The following FRMPD1 variants were observed in gnomAD, a reference collection of about 807,000 sequenced individuals.
FRMPD1 encodes FERM and PDZ domain-containing protein 1.
In FRMPD1, 76 loss-of-function variants were observed where a neutral mutation model predicts 117.8. The observed-to-expected ratio is 0.65, with a 90% CI of 0.54 to 0.78. The LOEUF (loss-of-function observed/expected upper bound fraction) is 0.78, where lower values mean the gene tolerates loss of function less well. FRMPD1 is among the 30% of genes least tolerant of loss of function. FRMPD1 has a pLI of 0.00. For synonymous variants in FRMPD1, 783 were observed against 770.4 expected (o/e 1.02, Z -0.27); for missense variants, 1,786 against 1,964.5 (o/e 0.91, Z 1.72).
the FRMPD1 span, among the ~76,000 whole-genome samples, chr9:37,623,903 T>C: frequency 6.6e-6 from 1 of 152,174 alleles, no homozygotes; most frequent in Non-Finnish European, 1.5e-5. Context: ...TTTATGACTG[T>C]GGACATTTTA....
chr9:37,744,744 G>T lies in FRMPD1; in HGVS notation c.2712G>T (p.Leu904=). 1 of 1,613,982 alleles carries T rather than the reference G, an allele frequency of 6.2e-7. No homozygotes were observed. Among genetic ancestry groups the T allele is most frequent in the South Asian group, 1.1e-5 (1 of 91,086 alleles). The part of the protein sequence containing the change: ...PGLLETKALG[L]LAPLRETKST... ...TTCTGGAGACCAAGGCCTTGGGGCTGCTGGCTCCTCTGAGGGAGACCAAGA... is the reference window on the plus strand; with the variant it reads ...TTCTGGAGACCAAGGCCTTGGGGCTTCTGGCTCCTCTGAGGGAGACCAAGA... The change falls in exon 16 of 16, where the codon CTG becomes CTT. Residue 904 remains leucine (L), a synonymous_variant. Transcript: ENST00000377765.
At chr9:37,717,377 ATATATTT>A (rs1469846156) in intron 5 of FRMPD1, among the ~76,000 whole-genome samples, 1 of 93,220 alleles carries the variant, frequency 1.1e-5, no homozygotes, top group Admixed American at 1.0e-4. Flanking sequence ...GTGTATATAT[ATATATTT>A]TTTTTTTTTT....
intron 1 of FRMPD1, among the ~76,000 whole-genome samples, chr9:37,682,933 G>A (rs915977228): frequency 7.9e-5 from 12 of 152,058 alleles, no homozygotes; most frequent in African/African-American, 2.4e-4. Flanking sequence ...TACGATTAGT[G>A]GTTTTTAGAA....
chr9:37,672,805 G>C (rs2117850944), intron 1 of FRMPD1, among the ~76,000 whole-genome samples: 1 of 152,238 alleles, frequency 6.6e-6, no homozygotes, highest in African/African-American at 2.4e-5. Flanking sequence ...AGCAAAAGTG[G>C]AAGCCCCCAA....
intron 1 of FRMPD1, among the ~76,000 whole-genome samples, chr9:37,688,925 A>G (rs1040450203): frequency 6.6e-6 from 1 of 152,080 alleles, no homozygotes; most frequent in African/African-American, 2.4e-5. Flanking sequence ...TTAGAAGAAT[A>G]TATTCCTTCG....
intron 2 of FRMPD1, 21 bp downstream of exon 2, chr9:37,692,763 G>T: frequency 6.4e-7 from 1 of 1,561,728 alleles, no homozygotes. Flanking sequence ...TGAGTTTGCA[G>T]ATTTCTGTCT....
intron 2 of FRMPD1, among the ~76,000 whole-genome samples, chr9:37,704,458 T>C (rs1232261916): frequency 2.0e-5 from 3 of 152,186 alleles, no homozygotes; most frequent in Admixed American, 2.0e-4. Context: ...GTATGCGGTG[T>C]GTATATTTCA....
At chr9:37,636,528 G>A in the FRMPD1 span, among the ~76,000 whole-genome samples, 2 of 152,128 alleles carry the variant, frequency 1.3e-5, no homozygotes, top group East Asian at 3.9e-4. Flanking sequence ...ATAGCGGCTC[G>A]GGGCAGCAGG....
chr9:37,691,154 C>T (rs151025453), intron 1 of FRMPD1, among the ~76,000 whole-genome samples: 5 of 152,332 alleles, frequency 3.3e-5, no homozygotes, highest in African/African-American at 1.2e-4. Flanking sequence ...AAGAGTTTTA[C>T]TTACTTCTTC....
chr9:37,655,686 G>A (rs903467669), intron 1 of FRMPD1, among the ~76,000 whole-genome samples: 3 of 151,478 alleles, frequency 2.0e-5, no homozygotes, highest in Non-Finnish European at 2.9e-5. Flanking sequence ...GTATTTTTTC[G>A]TAGAGACGGG....
chr9:37,637,121 T>C, the FRMPD1 span: 1 of 1,603,490 alleles, frequency 6.2e-7, no homozygotes, highest in Non-Finnish European at 8.5e-7. Flanking sequence ...GATCTGAAGT[T>C]TGATAGTTTT....
chr9:37,709,377 G>T (rs1270886130), intron 4 of FRMPD1, among the ~76,000 whole-genome samples: 4 of 148,712 alleles, frequency 2.7e-5, no homozygotes, highest in Non-Finnish European at 5.9e-5. Flanking sequence ...TTTTTGAGAT[G>T]GGGACTTGCT....
the FRMPD1 span, among the ~76,000 whole-genome samples, chr9:37,610,728 G>A: frequency 6.6e-6 from 1 of 151,932 alleles, no homozygotes; most frequent in Non-Finnish European, 1.5e-5. Flanking sequence ...CTGAGTAGCT[G>A]CGATTACAGG....
In FRMPD1 at chr9:37,742,905, C is replaced by CA. The variant is rs200956457; in HGVS notation, c.2357-1478dup. 8.6e-3 allele frequency among the ~76,000 whole-genome samples: 1,312 copies of CA among 151,912 alleles called. 12 individuals are homozygous for CA. The highest frequency in any genetic ancestry group is 0.02 in the Middle Eastern group (6 of 294). On this transcript the variant is annotated intron_variant, in intron 15 of 15. Transcript: ENST00000377765. The stretch of plus-strand genomic sequence containing the variant: ...CAGAGCAAGATTCTGTCTCAAAAAA[C>CA]AAAAAACAAAAAAACCTAAACCTTA...
At chr9:37,729,473 C>A (rs1315080465) in intron 7 of FRMPD1, among the ~76,000 whole-genome samples, 4 of 151,208 alleles carry the variant, frequency 2.6e-5, no homozygotes, top group African/African-American at 9.7e-5. Context: ...GCAGAAACCT[C>A]CACTGGATGG....
At position 37,746,066 on chromosome 9, in the gene FRMPD1, G is replaced by A. The variant is rs778737300; in HGVS notation, c.4034G>A (p.Arg1345His). The change falls in exon 16 of 16, where the codon CGT becomes CAT. Residue 1345 changes from arginine (R) to histidine (H), a missense_variant. Transcript: ENST00000377765. ...SCQFSYATCF[R>H]GPQPETEEED... ...CAGTTCTCCTATGCCACATGCTTCC[G>A]TGGCCCGCAGCCTGAGACAGAGGAA... is the stretch of plus-strand genomic sequence containing the variant. The A allele has an allele frequency of 4.4e-5, 71 of 1,614,076 alleles. No individual in the cohort carries two copies. The highest frequency in any genetic ancestry group is 5.3e-5 in the Non-Finnish European group (62 of 1,180,030).
At chr9:37,700,702 G>A (rs1182750237) in intron 2 of FRMPD1, among the ~76,000 whole-genome samples, 1 of 152,188 alleles carries the variant, frequency 6.6e-6, no homozygotes, top group Non-Finnish European at 1.5e-5. Flanking sequence ...ATTCATCTAT[G>A]TGAGACTGTT....
the FRMPD1 span, among the ~76,000 whole-genome samples, chr9:37,605,161 G>T: frequency 2.6e-5 from 4 of 152,290 alleles, no homozygotes; most frequent in East Asian, 7.7e-4. Context: ...CCAGTACCCA[G>T]CCTGGGGCTG....
chr9:37,737,019 C>A, intron 13 of FRMPD1, 77 bp from the exon 14 acceptor site: 1 of 1,125,296 alleles, frequency 8.9e-7, no homozygotes, highest in South Asian at 1.4e-5. Flanking sequence ...TCTCGTTGGT[C>A]CCACATGGCT....
Sources: allele counts gnomAD v4.1 joint callset (sites outside exome capture counted in the v4.1 genomes callset), GRCh38; gene constraint gnomAD v4.1.1; transcripts MANE v1.5; gene names NCBI Gene and HGNC (gene_info 2026-07-23, HGNC 2026-07-21).